Variants in XIRP2 observed in about 807,000 individuals in gnomAD.
The protein encoded by XIRP2 is xin actin-binding repeat-containing protein 2.
In XIRP2, 236 loss-of-function variants were observed where a neutral mutation model predicts 277.0. The observed-to-expected ratio is 0.85, with a 90% confidence interval of 0.77 to 0.95. The LOEUF is 0.95. Ranked by LOEUF, XIRP2 falls within the 40% of genes least tolerant of loss-of-function variation. The pLI is 0.00. For missense variants in XIRP2, 4,640 were observed against 4,157.5 expected, an observed-to-expected ratio of 1.12 and a Z score of -3.19; for synonymous variants, 1,490 against 1,416.5, an observed-to-expected ratio of 1.05 and a Z score of -1.17.
At chr2:167,238,602 A>G (rs16853297) in intron 5 of XIRP2, among the ~76,000 whole-genome samples, 3,034 of 152,240 alleles carry the variant, frequency 0.02, 44 homozygotes, top group South Asian at 0.063. Context: ...TGATAGTGTA[A>G]AGTGTTTTAA....
intron 2 of XIRP2, among the ~76,000 whole-genome samples, chr2:167,015,449 T>TCTAG (rs1207222253): frequency 6.6e-6 from 1 of 151,262 alleles, no homozygotes; most frequent in Non-Finnish European, 1.5e-5. Flanking sequence ...TATCTATCTA[T>TCTAG]CTATCTATCT....
chr2:167,193,427 G>A (rs566208603), intron 3 of XIRP2, among the ~76,000 whole-genome samples: 8 of 152,186 alleles, frequency 5.3e-5, no homozygotes, highest in African/African-American at 1.9e-4. Context: ...ATTCTTTCCT[G>A]TAAAGCATAG....
Position 166,915,992 on chromosome 2 carries a change from G to A in XIRP2, c.408+12102G>A, listed in dbSNP as rs545250029. On this transcript the variant is annotated intron_variant, in intron 2 of 10. Coordinates refer to ENST00000409195, the MANE Select transcript of XIRP2 (RefSeq NM_152381.6). Reference sequence around the variant, plus strand: ...TAATCTATTGCATAATTGGAGGCATGGAGAAAACCATGAAGAAAAATGCTA... The same window carrying A: ...TAATCTATTGCATAATTGGAGGCATAGAGAAAACCATGAAGAAAAATGCTA... 1.0e-3 allele frequency among the ~76,000 whole-genome samples: 155 copies of A among 152,208 alleles called. 2 individuals carry two copies. Among genetic ancestry groups the A allele is most frequent in the African/African-American group, 3.6e-3 (150 of 41,522 alleles).
At position 167,138,269 on chromosome 2, in the gene XIRP2, A is replaced by G. The variant is rs554162385; in HGVS notation, c.562+2207A>G. ...TATAAAAGATAATTTAAGTGCAGCT[A>G]CCTAATATCCTGCATATTTAAAATT... On this transcript the variant is annotated intron_variant, in intron 3 of 10. Coordinates refer to ENST00000409195, the MANE Select transcript of XIRP2 (RefSeq NM_152381.6). Among the ~76,000 whole-genome samples, 27 of 152,338 alleles carry G rather than the reference A, an allele frequency of 1.8e-4. No homozygotes were observed. The South Asian group carries it at 5.4e-3, about 30-fold the overall frequency.
chr2:166,907,209 G>A (rs989236101), intron 2 of XIRP2, among the ~76,000 whole-genome samples: 10 of 152,126 alleles, frequency 6.6e-5, no homozygotes, highest in South Asian at 2.1e-4. Context: ...ATACAAATTC[G>A]TGTAAGCATC....
chr2:166,947,250 A>T (rs59888387), intron 2 of XIRP2, among the ~76,000 whole-genome samples: 16,229 of 152,200 alleles, frequency 0.11, 853 homozygotes, highest in Non-Finnish European at 0.11. Flanking sequence ...ACAGGAGTTC[A>T]AAACCTGGGA....
intron 5 of XIRP2, among the ~76,000 whole-genome samples, chr2:167,222,473 T>A (rs60214239): frequency 0.16 from 23,870 of 152,182 alleles, 2,328 homozygotes; most frequent in African/African-American, 0.28. Context: ...TTGTTTTTCA[T>A]AACAACCATT....
intron 2 of XIRP2, among the ~76,000 whole-genome samples, chr2:166,924,681 G>T (rs1685138903): frequency 6.6e-6 from 1 of 151,970 alleles, no homozygotes; most frequent in East Asian, 1.9e-4. Context: ...TATTTTATAG[G>T]ATGGCAAATA....
intron 2 of XIRP2, among the ~76,000 whole-genome samples, chr2:167,110,284 G>C (rs1012200292): frequency 6.6e-6 from 1 of 152,060 alleles, no homozygotes; most frequent in South Asian, 2.1e-4. Context: ...TTATCTCCCA[G>C]AGTTTTCATA....
intron 2 of XIRP2, among the ~76,000 whole-genome samples, chr2:166,952,465 A>G (rs1220249314): frequency 6.6e-6 from 1 of 151,998 alleles, no homozygotes; most frequent in Non-Finnish European, 1.5e-5. Context: ...ACATGAGAAA[A>G]TCCATTCTTC....
chr2:167,011,283 G>T (rs7580770), intron 2 of XIRP2, among the ~76,000 whole-genome samples: 78,547 of 150,180 alleles, frequency 0.52, 22,529 homozygotes, highest in East Asian at 0.82. Flanking sequence ...TAGCATGAAG[G>T]GTTGTTGAAT....
At chr2:167,219,702 G>T (rs548770076) in intron 5 of XIRP2, among the ~76,000 whole-genome samples, 2 of 152,076 alleles carry the variant, frequency 1.3e-5, no homozygotes, top group Non-Finnish European at 2.9e-5. Context: ...TTCATTTTAC[G>T]CTGGGTCTGG....
At chr2:166,888,935 A>G (rs1159318854) in intron 1 of XIRP2, among the ~76,000 whole-genome samples, 1 of 152,214 alleles carries the variant, frequency 6.6e-6, no homozygotes, top group Non-Finnish European at 1.5e-5. Context: ...CAAAAACAGC[A>G]TCACCCAAAG....
intron 2 of XIRP2, among the ~76,000 whole-genome samples, chr2:166,984,361 T>A (rs1686948556): frequency 6.6e-6 from 1 of 152,138 alleles, no homozygotes; most frequent in Admixed American, 6.6e-5. Context: ...ATAACTTCAA[T>A]CAGTACTAGT....
intron 3 of XIRP2, among the ~76,000 whole-genome samples, chr2:167,208,606 C>A (rs1432307282): frequency 2.0e-5 from 3 of 152,122 alleles, no homozygotes; most frequent in Non-Finnish European, 2.9e-5. Context: ...CCGCGCCCGG[C>A]TGAGAGTCTT....
intron 5 of XIRP2, among the ~76,000 whole-genome samples, chr2:167,227,291 A>T (rs1490382851): frequency 2.6e-5 from 4 of 152,202 alleles, no homozygotes; most frequent in African/African-American, 9.6e-5. Flanking sequence ...CATGGTAAAA[A>T]TAATAAATAT....
At chr2:167,168,857 G>T (rs573401105) in intron 3 of XIRP2, among the ~76,000 whole-genome samples, 1 of 151,866 alleles carries the variant, frequency 6.6e-6, no homozygotes, top group Non-Finnish European at 1.5e-5. Context: ...CTCGTGATCC[G>T]CCTGCCTCAG....
intron 1 of XIRP2, among the ~76,000 whole-genome samples, chr2:166,891,244 A>G (rs1684096780): frequency 6.6e-6 from 1 of 152,334 alleles, no homozygotes; most frequent in Middle Eastern, 3.4e-3. Context: ...TCTTCTAATA[A>G]CTTGTCTTAG....
chr2:166,925,987 T>C (rs1265351099), intron 2 of XIRP2, among the ~76,000 whole-genome samples: 1 of 151,878 alleles, frequency 6.6e-6, no homozygotes, highest in Non-Finnish European at 1.5e-5. Flanking sequence ...GGCTGTAAGA[T>C]TGCTTGAGCC....
Sources: gnomAD v4.1 joint callset for allele counts (sites outside exome capture counted in the v4.1 genomes callset) on GRCh38, gnomAD v4.1.1 for gene constraint, MANE v1.5 for transcripts, NCBI Gene and HGNC (gene_info 2026-07-23, HGNC 2026-07-21) for gene names.